GPC6: variants seen among roughly 807,000 people sequenced by gnomAD.
GPC6 encodes glypican-6.
A neutral mutation model predicts 55.2 loss-of-function variants in GPC6; 14 were observed. That is an observed-to-expected ratio of 0.25 (90% confidence interval 0.17 to 0.40). The LOEUF (loss-of-function observed/expected upper bound fraction) is 0.40, where lower values mean the gene tolerates loss of function less well. Ranked by LOEUF, GPC6 falls within the 10% of genes least tolerant of loss-of-function variation. The probability of loss-of-function intolerance (pLI) is 1.00; values close to 1 mark genes in which losing one functional copy is unlikely to be tolerated. For missense variants in GPC6, 641 were observed against 708.5 expected (o/e 0.90, Z 1.08); for synonymous variants, 278 against 259.6 (o/e 1.07, Z -0.68).
chr13:94,004,913 T>C (rs1282419550), intron 3 of GPC6, among the ~76,000 whole-genome samples: 2 of 151,708 alleles, frequency 1.3e-5, no homozygotes, highest in Non-Finnish European at 2.9e-5. Flanking sequence ...AATACAAAAA[T>C]TAGCTGGGCG....
chr13:94,003,484 G>A (rs1219822036), intron 3 of GPC6, among the ~76,000 whole-genome samples: 1 of 152,082 alleles, frequency 6.6e-6, no homozygotes, highest in Non-Finnish European at 1.5e-5. Context: ...GTCTTTGATT[G>A]GGATAAGCAA....
intron 1 of GPC6, among the ~76,000 whole-genome samples, chr13:93,242,940 G>A (rs952078462): frequency 6.6e-6 from 1 of 152,166 alleles, no homozygotes; most frequent in Non-Finnish European, 1.5e-5. Flanking sequence ...CACAAGGGTT[G>A]GAAGTCCCTG....
At chr13:93,553,457 C>T (rs983325792) in intron 2 of GPC6, among the ~76,000 whole-genome samples, 1 of 151,712 alleles carries the variant, frequency 6.6e-6, no homozygotes, top group Non-Finnish European at 1.5e-5. Context: ...CTTTAGGAGG[C>T]CGAGGCTGGC....
chr13:93,646,605 T>C (rs1201230867), intron 2 of GPC6, among the ~76,000 whole-genome samples: 1 of 152,148 alleles, frequency 6.6e-6, no homozygotes, highest in Non-Finnish European at 1.5e-5. Context: ...ACTAAAATCC[T>C]CATTTCAATC....
intron 1 of GPC6, among the ~76,000 whole-genome samples, chr13:93,432,368 C>T (rs542246170): frequency 9.2e-5 from 14 of 152,026 alleles, no homozygotes; most frequent in Non-Finnish European, 1.6e-4. Flanking sequence ...CATGGCAAAC[C>T]GAGCATCAGC....
At chr13:93,497,996 G>T (rs1179737762) in intron 1 of GPC6, among the ~76,000 whole-genome samples, 1 of 152,164 alleles carries the variant, frequency 6.6e-6, no homozygotes, top group Admixed American at 6.5e-5. Flanking sequence ...TGTAGTACTG[G>T]TTAGAAAGAA....
At chr13:93,893,664 G>A (rs79139522) in intron 3 of GPC6, among the ~76,000 whole-genome samples, 2,449 of 152,210 alleles carry the variant, frequency 0.016, 32 homozygotes, top group Non-Finnish European at 0.026. Flanking sequence ...ATTATCAAAT[G>A]CCATGTTGAA....
intron 4 of GPC6, among the ~76,000 whole-genome samples, chr13:94,099,506 C>T (rs191943369): frequency 2.0e-5 from 3 of 152,190 alleles, no homozygotes; most frequent in Admixed American, 6.5e-5. Context: ...AAGCTAATCC[C>T]CCAGTGTGAC....
At chr13:93,665,516 A>G (rs1881096014) in intron 2 of GPC6, among the ~76,000 whole-genome samples, 1 of 152,172 alleles carries the variant, frequency 6.6e-6, no homozygotes, top group Non-Finnish European at 1.5e-5. Context: ...ACATATGTTT[A>G]GTGAAGGACT....
At chr13:93,562,245 G>A (rs999689861) in intron 2 of GPC6, among the ~76,000 whole-genome samples, 1 of 151,928 alleles carries the variant, frequency 6.6e-6, no homozygotes, top group African/African-American at 2.4e-5. Context: ...AGCCGGGCGT[G>A]GGCTTTGCTG....
At chr13:93,936,443 A>G (rs981348753) in intron 3 of GPC6, among the ~76,000 whole-genome samples, 2 of 152,172 alleles carry the variant, frequency 1.3e-5, no homozygotes, top group African/African-American at 2.4e-5. Context: ...ATACACATCT[A>G]TATACATATG....
rs182701751 is a variant in GPC6 at position 93,938,690 on chromosome 13, G to C, written c.712-89039G>C. Among the ~76,000 whole-genome samples, 180 of 152,300 alleles carry C rather than the reference G, an allele frequency of 1.2e-3. 3 individuals are homozygous for C. The highest frequency in any genetic ancestry group is 1.5e-3 in the Admixed American group (23 of 15,298). On this transcript the variant is annotated intron_variant, in intron 3 of 8. Transcript: ENST00000377047. ...TATAAAGGTGACAGATTCTAAATTAGAAGCATTCAACTCACACCTTGAAAG... is the reference window on the plus strand; with the variant it reads ...TATAAAGGTGACAGATTCTAAATTACAAGCATTCAACTCACACCTTGAAAG...
intron 3 of GPC6, among the ~76,000 whole-genome samples, chr13:93,915,219 A>G (rs1317227914): frequency 1.1e-4 from 16 of 152,286 alleles, no homozygotes; most frequent in Admixed American, 3.3e-4. Flanking sequence ...AGAATTTTCT[A>G]TAAGTTATTT....
At chr13:93,543,722 G>T (rs1594251920) in intron 1 of GPC6, among the ~76,000 whole-genome samples, 1 of 151,936 alleles carries the variant, frequency 6.6e-6, no homozygotes, top group East Asian at 1.9e-4. Flanking sequence ...CTGTTTGTTT[G>T]TTTTTGGGCA....
At chr13:93,982,592 C>T (rs1261514757) in intron 3 of GPC6, among the ~76,000 whole-genome samples, 3 of 152,148 alleles carry the variant, frequency 2.0e-5, no homozygotes, top group African/African-American at 7.2e-5. Flanking sequence ...TTTTATTTCT[C>T]TATCCTAACT....
intron 1 of GPC6, among the ~76,000 whole-genome samples, chr13:93,326,499 T>G (rs2139130599): frequency 6.6e-6 from 1 of 152,226 alleles, no homozygotes; most frequent in Non-Finnish European, 1.5e-5. Context: ...TAGAAGAAAC[T>G]TATAAAAAAT....
rs552714566 is a variant in GPC6, at chr13:94,271,381, C to T, written c.878-14968C>T. Among the ~76,000 whole-genome samples the T allele has an allele frequency of 6.7e-4, 69 of 102,702 alleles. No homozygotes were observed. The South Asian group carries it at 0.018, about 27-fold the overall frequency. 67.4% of individuals were successfully genotyped at this position (102,702 alleles called of 152,430 possible). On this transcript the variant is annotated intron_variant, in intron 4 of 8. Transcript: ENST00000377047. ...ACACACACACACGCGCGCGCGCGCG[C>T]GCACACACACACACACACACACACA...
intron 4 of GPC6, among the ~76,000 whole-genome samples, chr13:94,237,227 A>G (rs1594085829): frequency 6.6e-6 from 1 of 152,100 alleles, no homozygotes; most frequent in East Asian, 1.9e-4. Flanking sequence ...GCACTAGGAA[A>G]AAGAACCCAA....
chr13:93,873,035 A>T (rs1303778619), intron 3 of GPC6, among the ~76,000 whole-genome samples: 1 of 151,956 alleles, frequency 6.6e-6, no homozygotes, highest in Non-Finnish European at 1.5e-5. Flanking sequence ...AATACAACAA[A>T]ATGTAGAAAA....
Sources: allele counts gnomAD v4.1 joint callset (sites outside exome capture counted in the v4.1 genomes callset), GRCh38; gene constraint gnomAD v4.1.1; transcripts MANE v1.5; gene names NCBI Gene and HGNC (gene_info 2026-07-23, HGNC 2026-07-21).